Variants in IMMP2L observed in about 807,000 individuals in gnomAD.
IMMP2L encodes the protein mitochondrial inner membrane protease subunit 2.
Under a neutral mutation model 19.3 loss-of-function variants are expected in IMMP2L, and 18 were observed. The observed-to-expected ratio is 0.93, with a 90% CI of 0.64 to 1.38. The LOEUF is 1.38. Among genes scored for constraint, IMMP2L ranks in the 40% most tolerant of loss-of-function variants. The pLI, the probability that IMMP2L is intolerant of heterozygous loss-of-function variation, is 0.00. For synonymous variants in IMMP2L, 76 were observed against 73.0 expected (o/e 1.04, Z -0.21); for missense variants, 233 against 218.2 (o/e 1.07, Z -0.43).
chr7:110,795,146 T>C (rs1800775756), intron 5 of IMMP2L, among the ~76,000 whole-genome samples: 3 of 152,232 alleles, frequency 2.0e-5, no homozygotes, highest in South Asian at 4.2e-4. Flanking sequence ...AAGACAAACA[T>C]TGCAAATTTT....
chr7:111,549,775 T>C (rs1355588960), intron 1 of IMMP2L, among the ~76,000 whole-genome samples: 1 of 151,932 alleles, frequency 6.6e-6, no homozygotes, highest in Non-Finnish European at 1.5e-5. Flanking sequence ...CCTCCATCTC[T>C]ACTAAAAATA....
intron 3 of IMMP2L, among the ~76,000 whole-genome samples, chr7:111,028,053 G>A (rs868509918): frequency 4.9e-4 from 74 of 152,140 alleles, no homozygotes; most frequent in African/African-American, 1.6e-3. Flanking sequence ...AAATTTTCTT[G>A]AAGTGTATAG....
At chr7:111,152,727 T>G (rs1346001984) in intron 3 of IMMP2L, among the ~76,000 whole-genome samples, 6 of 152,136 alleles carry the variant, frequency 3.9e-5, no homozygotes, top group Non-Finnish European at 8.8e-5. Context: ...GGCCATTATT[T>G]CATCTTCTCC....
chr7:111,519,811 T>G (rs1480614854), intron 2 of IMMP2L, among the ~76,000 whole-genome samples: 1 of 152,106 alleles, frequency 6.6e-6, no homozygotes, highest in Non-Finnish European at 1.5e-5. Context: ...TTTTGTGTTC[T>G]GGAAAAGTCC....
chr7:110,904,868 T>C (rs1031830298), intron 4 of IMMP2L, among the ~76,000 whole-genome samples: 2 of 152,210 alleles, frequency 1.3e-5, no homozygotes, highest in Non-Finnish European at 2.9e-5. Flanking sequence ...ATATAATCTC[T>C]ATATCTTCTG....
At chr7:111,504,732 T>C (rs1250420425) in intron 2 of IMMP2L, among the ~76,000 whole-genome samples, 2 of 152,368 alleles carry the variant, frequency 1.3e-5, no homozygotes, top group African/African-American at 4.8e-5. Flanking sequence ...AAGGATTTCC[T>C]ATTTAATAAA....
intron 4 of IMMP2L, among the ~76,000 whole-genome samples, chr7:110,916,598 A>G (rs887829013): frequency 2.0e-5 from 3 of 152,180 alleles, no homozygotes; most frequent in Non-Finnish European, 4.4e-5. Context: ...TACCTTTCCT[A>G]CACTACTTCC....
intron 2 of IMMP2L, among the ~76,000 whole-genome samples, chr7:111,488,790 T>C (rs1320125421): frequency 6.6e-6 from 1 of 152,124 alleles, no homozygotes; most frequent in African/African-American, 2.4e-5. Flanking sequence ...CTGTTTTTCA[T>C]AGTGGTTGTA....
At chr7:111,105,503 G>C (rs1344887068) in intron 3 of IMMP2L, among the ~76,000 whole-genome samples, 1 of 151,820 alleles carries the variant, frequency 6.6e-6, no homozygotes, top group African/African-American at 2.4e-5. Context: ...ATTTACATCT[G>C]GTTTGCTCCC....
chr7:111,498,161 G>C (rs1843773685), intron 2 of IMMP2L, among the ~76,000 whole-genome samples: 2 of 151,894 alleles, frequency 1.3e-5, no homozygotes, highest in African/African-American at 4.8e-5. Flanking sequence ...GCTACAACTA[G>C]ATTGCAAGGT....
At chr7:111,170,528 G>A (rs1806316540) in intron 3 of IMMP2L, among the ~76,000 whole-genome samples, 1 of 151,930 alleles carries the variant, frequency 6.6e-6, no homozygotes, top group Non-Finnish European at 1.5e-5. Context: ...AAAGCCTGTG[G>A]CAGTCATTTC....
At chr7:110,667,290 C>G (rs763110861) in intron 5 of IMMP2L, among the ~76,000 whole-genome samples, 2 of 151,934 alleles carry the variant, frequency 1.3e-5, no homozygotes, top group African/African-American at 4.8e-5. Context: ...ATTTTTGATT[C>G]CATTTTATTT....
rs185148322 is a variant in IMMP2L, at chr7:111,423,345, T to C, written c.239+63893A>G. ...ATTCGGCTGTGAATCCATCTGGTCCTGGACTTTTTTTGTTTGGTAGCCTAT... is the reference window on the plus strand; with the variant it reads ...ATTCGGCTGTGAATCCATCTGGTCCCGGACTTTTTTTGTTTGGTAGCCTAT... On this transcript the variant is annotated intron_variant, in intron 3 of 5. Coordinates refer to ENST00000405709, the MANE Select transcript of IMMP2L (RefSeq NM_032549.4). Among the ~76,000 whole-genome samples, 316 of 151,970 alleles carry C rather than the reference T, an allele frequency of 2.1e-3. 9 individuals carry two copies. Among genetic ancestry groups the C allele is most frequent in the African/African-American group, 7.3e-3 (300 of 41,268 alleles).
intron 3 of IMMP2L, among the ~76,000 whole-genome samples, chr7:111,424,403 A>T (rs1160811432): frequency 6.6e-6 from 1 of 151,804 alleles, no homozygotes; most frequent in Non-Finnish European, 1.5e-5. Flanking sequence ...TGGTATGAAT[A>T]AAAGAGAGAG....
At chr7:110,907,858 G>C (rs918145227) in intron 4 of IMMP2L, among the ~76,000 whole-genome samples, 11 of 152,050 alleles carry the variant, frequency 7.2e-5, no homozygotes, top group Admixed American at 3.9e-4. Context: ...GGCAATTGGT[G>C]GGGGGGAAAT....
At chr7:111,362,237 C>T (rs937588111) in intron 3 of IMMP2L, among the ~76,000 whole-genome samples, 16 of 151,960 alleles carry the variant, frequency 1.1e-4, no homozygotes, top group Non-Finnish European at 1.9e-4. Flanking sequence ...CTAATGTAAT[C>T]GTTTTTATTT....
chr7:111,370,311 A>C (rs7799919), intron 3 of IMMP2L, among the ~76,000 whole-genome samples: 3,279 of 152,056 alleles, frequency 0.022, 124 homozygotes, highest in African/African-American at 0.075. Flanking sequence ...AATAACATGA[A>C]TCTACACCTT....
intron 5 of IMMP2L, among the ~76,000 whole-genome samples, chr7:110,862,199 G>A (rs542687197): frequency 6.6e-6 from 1 of 151,374 alleles, no homozygotes; most frequent in Non-Finnish European, 1.5e-5. Context: ...CTTTAGAGAA[G>A]ACTTTTAAAG....
intron 3 of IMMP2L, among the ~76,000 whole-genome samples, chr7:111,434,634 C>T (rs1034730460): frequency 6.6e-6 from 1 of 151,660 alleles, no homozygotes; most frequent in African/African-American, 2.4e-5. Flanking sequence ...CAACCTCCAC[C>T]TCTTGGATTC....
Sources: allele counts gnomAD v4.1 joint callset (sites outside exome capture counted in the v4.1 genomes callset), GRCh38; gene constraint gnomAD v4.1.1; transcripts MANE v1.5; gene names NCBI Gene and HGNC (gene_info 2026-07-23, HGNC 2026-07-21).